The following HYDIN variants were observed in gnomAD, a reference collection of about 807,000 sequenced individuals.
HYDIN encodes the protein axonemal central pair apparatus protein HYDIN.
HYDIN carries 132 observed loss-of-function variants against 403.9 expected under a neutral mutation model. That is an observed-to-expected ratio of 0.33 (90% CI 0.28 to 0.38). The LOEUF (loss-of-function observed/expected upper bound fraction) is 0.38, where lower values mean the gene tolerates loss of function less well. Among genes scored for constraint, HYDIN ranks in the 10% least tolerant of loss-of-function variants. The pLI, the probability that HYDIN is intolerant of heterozygous loss-of-function variation, is 1.00. For synonymous variants in HYDIN, 1,202 were observed against 1,891.7 expected (o/e 0.64, Z 9.46); for missense variants, 2,827 against 5,009.5 (o/e 0.56, Z 13.15).
At chr16:71,141,504 T>C (rs928925043) in intron 7 of HYDIN, among the ~76,000 whole-genome samples, 6 of 151,524 alleles carry the variant, frequency 4.0e-5, no homozygotes, top group Admixed American at 6.6e-5. Context: ...TCAAAAGAAA[T>C]AAATACATGA....
chr16:71,192,159 G>A (rs979949468), intron 1 of HYDIN, among the ~76,000 whole-genome samples: 1 of 152,080 alleles, frequency 6.6e-6, no homozygotes, highest in African/African-American at 2.4e-5. Context: ...TGGTCCCAGA[G>A]TCCACACTTT....
intron 9 of HYDIN, among the ~76,000 whole-genome samples, chr16:71,117,766 A>G (rs912773122): frequency 1.2e-4 from 18 of 152,344 alleles, no homozygotes; most frequent in African/African-American, 4.1e-4. Context: ...AATGTCGAAA[A>G]GAACAAAATG....
At chr16:70,955,002 T>C (rs1395244718) in intron 40 of HYDIN, among the ~76,000 whole-genome samples, 1 of 152,172 alleles carries the variant, frequency 6.6e-6, no homozygotes, top group Non-Finnish European at 1.5e-5. Flanking sequence ...TCACCCTTGT[T>C]GGAACCCATT....
At chr16:71,150,219 G>C (rs535178418) in intron 7 of HYDIN, among the ~76,000 whole-genome samples, 1 of 151,382 alleles carries the variant, frequency 6.6e-6, no homozygotes, top group Admixed American at 6.6e-5. Context: ...AATAAAAGAG[G>C]GGAGAGCAGT....
intron 1 of HYDIN, among the ~76,000 whole-genome samples, chr16:71,225,490 C>T (rs192624270): frequency 3.9e-4 from 59 of 152,330 alleles, no homozygotes; most frequent in Non-Finnish European, 4.1e-4. Context: ...TTTGGATTGA[C>T]CACTCTGGCA....
At chr16:70,842,052 T>A (rs888480394) in intron 75 of HYDIN, among the ~76,000 whole-genome samples, 2 of 150,812 alleles carry the variant, frequency 1.3e-5, no homozygotes, top group African/African-American at 2.5e-5. Context: ...TTGAAGAACA[T>A]ACTTTGCACG....
At chr16:71,000,798 G>C (rs1396562749) in intron 23 of HYDIN, among the ~76,000 whole-genome samples, 1 of 152,144 alleles carries the variant, frequency 6.6e-6, no homozygotes, top group East Asian at 1.9e-4. Context: ...ACAGGCTATA[G>C]GAGGCCTGGA....
chr16:70,986,320 C>T (rs1180617333), intron 27 of HYDIN, among the ~76,000 whole-genome samples: 2 of 151,062 alleles, frequency 1.3e-5, no homozygotes, highest in Non-Finnish European at 2.9e-5. Flanking sequence ...TAACCACAAA[C>T]AGGCCACTTT....
chr16:70,940,343 C>A (rs1287094207), intron 43 of HYDIN, among the ~76,000 whole-genome samples: 1 of 151,678 alleles, frequency 6.6e-6, no homozygotes, highest in Non-Finnish European at 1.5e-5. Flanking sequence ...TCCTTCCCGG[C>A]CACTTATCAA....
intron 20 of HYDIN, among the ~76,000 whole-genome samples, chr16:71,026,680 A>T (rs1317838680): frequency 6.6e-6 from 1 of 152,266 alleles, no homozygotes; most frequent in Non-Finnish European, 1.5e-5. Context: ...ACAATGAGAG[A>T]TAACCTCCCC....
At chr16:71,218,261 T>C (rs1261799725) in intron 1 of HYDIN, among the ~76,000 whole-genome samples, 2 of 152,162 alleles carry the variant, frequency 1.3e-5, no homozygotes, top group African/African-American at 4.8e-5. Context: ...AAGAATAAGA[T>C]ATGGGGAGAA....
intron 83 of HYDIN, among the ~76,000 whole-genome samples, chr16:70,819,850 C>CG (rs1400350501): frequency 2.0e-5 from 3 of 152,102 alleles, no homozygotes; most frequent in Non-Finnish European, 4.4e-5. Context: ...CTCTGTCACC[C>CG]GGACTGGAGT....
At chr16:70,867,867 C>T (rs1187157690) in intron 66 of HYDIN, among the ~76,000 whole-genome samples, 1 of 150,266 alleles carries the variant, frequency 6.7e-6, no homozygotes, top group Non-Finnish European at 1.5e-5. Flanking sequence ...TGGGATTTCA[C>T]CATGTTGCCC....
At chr16:70,954,807 G>C (rs1210308063) in intron 40 of HYDIN, among the ~76,000 whole-genome samples, 1 of 152,058 alleles carries the variant, frequency 6.6e-6, no homozygotes, top group African/African-American at 2.4e-5. Flanking sequence ...TCTTTTCCTT[G>C]AACATAAAAC....
rs2143413828 is a variant in HYDIN, at chr16:70,807,910, C to T, written c.15036G>A (p.Glu5012=). 12 of 1,614,148 alleles carry T rather than the reference C, an allele frequency of 7.4e-6. No homozygotes were observed. Among genetic ancestry groups the T allele is most frequent in the Non-Finnish European group, 1.0e-5 (12 of 1,180,028 alleles). The change falls in exon 86 of 86, where the codon GAG becomes GAA. Residue 5012 remains glutamate, a synonymous_variant. Coordinates refer to ENST00000393567, the MANE Select transcript of HYDIN (RefSeq NM_001270974.2). ...CCATTCCAAAGAGGGGGATGATATA[C>T]TCTCCACCTGCGAGCGATGATAGGA... is the stretch of plus-strand genomic sequence containing the variant. ...ILILSSLAGG[E]YIIPLFGMAL... is the part of the protein sequence containing the mutation.
intron 71 of HYDIN, among the ~76,000 whole-genome samples, chr16:70,858,251 C>T (rs928246439): frequency 2.3e-4 from 35 of 152,048 alleles, no homozygotes; most frequent in East Asian, 5.8e-4. Context: ...TATGATTAGC[C>T]GGGCCAGCCA....
chr16:70,977,683 A>G, intron 30 of HYDIN, among the ~76,000 whole-genome samples: 1 of 109,984 alleles, frequency 9.1e-6, no homozygotes, highest in South Asian at 3.1e-4. Flanking sequence ...CAGGGTCAGG[A>G]ATAGACTTTT....
chr16:71,067,171 C>T (rs2082299729), intron 15 of HYDIN, 119 bp downstream of exon 15: 1 of 604,674 alleles, frequency 1.7e-6, no homozygotes, highest in African/African-American at 1.9e-5. Context: ...ACTTCCCTTC[C>T]CAGGAAGGCA....
chr16:71,204,722 A>G (rs2088201731), intron 1 of HYDIN, among the ~76,000 whole-genome samples: 1 of 152,212 alleles, frequency 6.6e-6, no homozygotes, highest in Non-Finnish European at 1.5e-5. Flanking sequence ...ACGTTGGTAA[A>G]TATTGAGAGG....
Sources: gnomAD v4.1 joint callset for allele counts (sites outside exome capture counted in the v4.1 genomes callset) on GRCh38, gnomAD v4.1.1 for gene constraint, MANE v1.5 for transcripts, NCBI Gene and HGNC (gene_info 2026-07-23, HGNC 2026-07-21) for gene names.